The following P2RY8 variants were observed in gnomAD, a reference collection of about 807,000 sequenced individuals.
P2RY8 encodes the protein S-geranylgeranyl-glutathione receptor P2RY8.
In P2RY8, 6 loss-of-function variants were observed where a neutral mutation model predicts 10.0. The observed-to-expected ratio is 0.60, with a 90% CI of 0.33 to 1.19. P2RY8 has a LOEUF of 1.19. Ranked by LOEUF, P2RY8 falls within the 50% of genes most tolerant of loss-of-function variation. The pLI is 0.04. For synonymous variants in P2RY8, 276 were observed against 252.5 expected, an observed-to-expected ratio of 1.09 and a Z score of -0.88; for missense variants, 456 against 542.0, an observed-to-expected ratio of 0.84 and a Z score of 1.58.
intron 1 of P2RY8, among the ~76,000 whole-genome samples, chrX:1,477,310 C>A (rs2091886779): frequency 1.3e-5 from 2 of 152,218 alleles, no homozygotes; most frequent in African/African-American, 4.8e-5. Context: ...AATCGTCTTG[C>A]AACCCTTGAT....
chrX:1,502,314 T>C (rs2092188820), intron 1 of P2RY8, among the ~76,000 whole-genome samples: 1 of 152,126 alleles, frequency 6.6e-6, no homozygotes, highest in Non-Finnish European at 1.5e-5. Flanking sequence ...ATCTCTGTTT[T>C]GGTCATGTCC....
At chrX:1,518,327 G>A (rs1603458438) in intron 1 of P2RY8, among the ~76,000 whole-genome samples, 1 of 150,590 alleles carries the variant, frequency 6.6e-6, no homozygotes, top group African/African-American at 2.4e-5. Context: ...TCGGGAGGCT[G>A]AGGCAGGAGA....
chrX:1,479,296 T>C (rs759550263), intron 1 of P2RY8, among the ~76,000 whole-genome samples: 31 of 152,360 alleles, frequency 2.0e-4, no homozygotes, highest in African/African-American at 6.7e-4. Context: ...GTGAATGTCT[T>C]GTGGTGTCTC....
intron 1 of P2RY8, 53 bp from the exon 2 acceptor site, chrX:1,466,635 G>C: frequency 6.6e-7 from 1 of 1,509,004 alleles, no homozygotes; most frequent in Non-Finnish European, 8.8e-7. Flanking sequence ...GTAAAGAGGC[G>C]GCTGCCGGGA....
At chrX:1,507,896 G>A (rs1351977279) in intron 1 of P2RY8, among the ~76,000 whole-genome samples, 3 of 152,120 alleles carry the variant, frequency 2.0e-5, no homozygotes, top group Non-Finnish European at 4.4e-5. Context: ...CCTGAATCAA[G>A]CCAGCCCCGT....
intron 1 of P2RY8, among the ~76,000 whole-genome samples, chrX:1,513,618 C>G (rs1481384332): frequency 1.9e-4 from 28 of 150,822 alleles, no homozygotes; most frequent in Non-Finnish European, 3.5e-4. Context: ...TCTCAAGGTC[C>G]TTAACTTAAT....
intron 1 of P2RY8, among the ~76,000 whole-genome samples, chrX:1,512,766 G>A (rs1441773527): frequency 6.6e-6 from 1 of 151,958 alleles, no homozygotes; most frequent in Admixed American, 6.6e-5. Context: ...TACTCTCACA[G>A]GAACAGTATG....
intron 1 of P2RY8, among the ~76,000 whole-genome samples, chrX:1,523,935 C>T (rs2092410990): frequency 6.6e-6 from 1 of 152,220 alleles, no homozygotes; most frequent in African/African-American, 2.4e-5. Context: ...AAGTGACCCA[C>T]CTGCCTTGGC....
At chrX:1,513,409 G>A (rs2092314752) in intron 1 of P2RY8, among the ~76,000 whole-genome samples, 1 of 152,136 alleles carries the variant, frequency 6.6e-6, no homozygotes, top group South Asian at 2.1e-4. Flanking sequence ...TCCTCCCTGT[G>A]GAGGCTCTAG....
intron 1 of P2RY8, among the ~76,000 whole-genome samples, chrX:1,515,950 G>A (rs1385054670): frequency 1.1e-5 from 1 of 88,816 alleles, no homozygotes; most frequent in African/African-American, 3.0e-5. Context: ...GAGGGGTCGG[G>A]GGGTGGTGGA....
At chrX:1,517,243 G>A (rs562292763) in intron 1 of P2RY8, among the ~76,000 whole-genome samples, 12 of 141,180 alleles carry the variant, frequency 8.5e-5, no homozygotes, top group Admixed American at 6.3e-4. Flanking sequence ...GGAGATGAGG[G>A]CACAGACACA....
chrX:1,530,582 C>A (rs1337738763), intron 1 of P2RY8, among the ~76,000 whole-genome samples: 2 of 148,264 alleles, frequency 1.3e-5, no homozygotes, highest in African/African-American at 4.9e-5. Flanking sequence ...TGATCTATCT[C>A]TCTATCATCA....
intron 1 of P2RY8, among the ~76,000 whole-genome samples, chrX:1,495,599 T>C (rs28736803): frequency 0.98 from 139,655 of 142,918 alleles, 68,472 homozygotes; most frequent in East Asian, 1. Flanking sequence ...GTTTCTAAGC[T>C]GCCCAGTCTA....
At chrX:1,524,652 T>C (rs1224258575) in intron 1 of P2RY8, among the ~76,000 whole-genome samples, 1 of 83,928 alleles carries the variant, frequency 1.2e-5, no homozygotes, top group Non-Finnish European at 2.6e-5. Context: ...CATACATCCA[T>C]CCATCCATCC....
intron 1 of P2RY8, among the ~76,000 whole-genome samples, chrX:1,498,135 G>A (rs145428217): frequency 6.6e-6 from 1 of 151,982 alleles, no homozygotes; most frequent in African/African-American, 2.4e-5. Context: ...GGCCGGGCGC[G>A]GTGGCTCACG....
intron 1 of P2RY8, among the ~76,000 whole-genome samples, chrX:1,504,170 G>A (rs1479964736): frequency 1.3e-5 from 2 of 151,802 alleles, no homozygotes; most frequent in Non-Finnish European, 2.9e-5. Flanking sequence ...ACAAAAATTA[G>A]CTGGGCGTAG....
At chrX:1,509,013 T>C (rs2092264083) in intron 1 of P2RY8, among the ~76,000 whole-genome samples, 1 of 150,726 alleles carries the variant, frequency 6.6e-6, no homozygotes, top group South Asian at 2.1e-4. Context: ...CATCCATCCA[T>C]CCATCCATCC....
intron 1 of P2RY8, among the ~76,000 whole-genome samples, chrX:1,468,379 C>G (rs1485833262): frequency 6.6e-6 from 1 of 152,224 alleles, no homozygotes; most frequent in East Asian, 1.9e-4. Context: ...ATCCAGCAAG[C>G]AGCCTCTTGG....
chrX:1,486,854 T>C (rs28677153), intron 1 of P2RY8, among the ~76,000 whole-genome samples: 2,256 of 152,302 alleles, frequency 0.015, 62 homozygotes, highest in African/African-American at 0.051. Flanking sequence ...GAGTCCTGAA[T>C]GCTCCTGCAG....
Sources: gnomAD v4.1 joint callset for allele counts (sites outside exome capture counted in the v4.1 genomes callset) on GRCh38, gnomAD v4.1.1 for gene constraint, MANE v1.5 for transcripts, NCBI Gene and HGNC (gene_info 2026-07-23, HGNC 2026-07-21) for gene names.